ANKRD27: variants seen among roughly 807,000 people sequenced by gnomAD.
ANKRD27 encodes the protein ankyrin repeat domain-containing protein 27.
ANKRD27 carries 112 observed loss-of-function variants against 129.7 expected under a neutral mutation model. That is an observed-to-expected ratio of 0.86 (90% CI 0.74 to 1.01). ANKRD27 has a LOEUF of 1.01. Among genes scored for constraint, ANKRD27 ranks in the 50% least tolerant of loss-of-function variants. The pLI is 0.00. For missense variants in ANKRD27, 1,258 were observed against 1,300.5 expected (o/e 0.97, Z 0.50); for synonymous variants, 516 against 511.2 (o/e 1.01, Z -0.13).
At chr19:32,616,023 G>T (rs181752759) in intron 21 of ANKRD27, among the ~76,000 whole-genome samples, 84 of 152,208 alleles carry the variant, frequency 5.5e-4, no homozygotes, top group African/African-American at 2.0e-3. Context: ...TGCTGCCTCA[G>T]GGTGATGGCT....
At chr19:32,600,305 C>T (rs904035725) in intron 26 of ANKRD27, 25 of 317,878 alleles carry the variant, frequency 7.9e-5, no homozygotes, top group Admixed American at 6.9e-4. Flanking sequence ...TTTGGGAGGC[C>T]GAGGTGGGCA....
chr19:32,658,588 G>A (rs1484450695), intron 2 of ANKRD27, among the ~76,000 whole-genome samples: 1 of 152,194 alleles, frequency 6.6e-6, no homozygotes, highest in Non-Finnish European at 1.5e-5. Context: ...TTTTAGCCCT[G>A]GAGAAGCCTC....
chr19:32,611,335 T>G (rs888810296), intron 22 of ANKRD27, among the ~76,000 whole-genome samples: 3 of 152,158 alleles, frequency 2.0e-5, no homozygotes, highest in Non-Finnish European at 2.9e-5. Flanking sequence ...TCTTATCCTG[T>G]GTTTTCATAG....
intron 26 of ANKRD27, 109 bp from the exon 27 acceptor site, chr19:32,600,159 A>C (rs1971630581): frequency 2.4e-6 from 2 of 825,382 alleles, no homozygotes; most frequent in Non-Finnish European, 3.8e-6. Context: ...CAAAATTTAG[A>C]AACTGAAGCA....
chr19:32,643,278 A>T lies in ANKRD27; in HGVS notation c.705+9T>A, dbSNP rs1305089535. 1 of 1,614,090 alleles carries T rather than the reference A, an allele frequency of 6.2e-7. No homozygotes were observed. The highest frequency in any genetic ancestry group is 1.7e-5 in the Admixed American group (1 of 60,000). ...CTTCCATCTTGGGTGATAATAACTG[A>T]GAACCTACCTCACTTGCCTCCATGG... On this transcript the variant is annotated intron_variant, in intron 8 of 28. Transcript: ENST00000306065.
rs762909399 is a variant in ANKRD27 at position 32,643,142 on chromosome 19, C to T, written c.763G>A (p.Gly255Ser). The T allele has an allele frequency of 1.2e-6, 2 of 1,613,834 alleles. No individual in the cohort carries two copies. The highest frequency in any genetic ancestry group is 2.2e-5 in the South Asian group (2 of 91,048). Residue 255 changes from glycine to serine, a missense_variant, in exon 9 of 29, where the codon GGT becomes AGT. By Grantham distance (56) the Gly-to-Ser change is moderately conservative. Coordinates refer to ENST00000306065, the MANE Select transcript of ANKRD27 (RefSeq NM_032139.3). Reference protein sequence around the residue: ...SLQDLQQKDIGVKPEFSFNIP... With the variant: ...SLQDLQQKDISVKPEFSFNIP... ...CCTTACCTGAACTCCGGTTTCACACCAATATCTTTCTGCTGAAGATCTTGA... is the reference window on the plus strand; with the variant it reads ...CCTTACCTGAACTCCGGTTTCACACTAATATCTTTCTGCTGAAGATCTTGA...
chr19:32,663,201 C>G lies in ANKRD27; in HGVS notation c.-30-4156G>C, dbSNP rs139605420. On this transcript the variant is annotated intron_variant, in intron 1 of 28. Coordinates refer to ENST00000306065, the MANE Select transcript of ANKRD27 (RefSeq NM_032139.3). ...ATGAAGAAGCCCACATGATGAAAGG[C>G]CATGGGGGGAGAGCGAGGCCTAGGT... 6.5e-3 allele frequency among the ~76,000 whole-genome samples: 994 copies of G among 152,298 alleles called. 7 individuals carry two copies. Among genetic ancestry groups the G allele is most frequent in the African/African-American group, 0.021 (859 of 41,562 alleles).
chr19:32,605,547 C>T (rs1050816958), intron 24 of ANKRD27, among the ~76,000 whole-genome samples: 2 of 152,194 alleles, frequency 1.3e-5, no homozygotes, highest in African/African-American at 4.8e-5. Context: ...CCACTCAGCC[C>T]ATGCTCAGGT....
intron 1 of ANKRD27, among the ~76,000 whole-genome samples, chr19:32,671,977 C>G (rs761617557): frequency 1.3e-5 from 2 of 152,148 alleles, no homozygotes; most frequent in Non-Finnish European, 2.9e-5. Flanking sequence ...AGCGTGCACA[C>G]TCGTGGTTTT....
intron 1 of ANKRD27, among the ~76,000 whole-genome samples, chr19:32,670,476 C>A (rs1158760797): frequency 6.6e-6 from 1 of 151,062 alleles, no homozygotes; most frequent in Non-Finnish European, 1.5e-5. Flanking sequence ...GAGTTTGAGA[C>A]CAGCCTGGCC....
At position 32,627,675 on chromosome 19, in the gene ANKRD27, G is replaced by A. The variant is rs947044558; in HGVS notation, c.1420+408C>T. ...GGCCTCCCAAAGTGCTGGGATTACAGGCATGAGCCACCATGCCCAGCCAAA... is the reference window on the plus strand; with the variant it reads ...GGCCTCCCAAAGTGCTGGGATTACAAGCATGAGCCACCATGCCCAGCCAAA... On this transcript the variant is annotated intron_variant, in intron 15 of 28. Transcript: ENST00000306065. Among the ~76,000 whole-genome samples the A allele has an allele frequency of 2.0e-5, 3 of 152,252 alleles. No individual in the cohort carries two copies. The South Asian group carries it at 6.2e-4, about 32-fold the overall frequency.
At chr19:32,659,076 G>C in intron 1 of ANKRD27, 31 bp from the exon 2 acceptor site, 1 of 1,178,266 alleles carries the variant, frequency 8.5e-7, no homozygotes. Flanking sequence ...GCAGTGAATA[G>C]CCATTTTCGA....
At chr19:32,635,831 T>C (rs1390395198) in intron 12 of ANKRD27, among the ~76,000 whole-genome samples, 5 of 152,118 alleles carry the variant, frequency 3.3e-5, no homozygotes, top group Non-Finnish European at 5.9e-5. Flanking sequence ...GAGATCATGA[T>C]CTAAAATTTT....
At chr19:32,616,920 T>G (rs2145271175) in intron 21 of ANKRD27, among the ~76,000 whole-genome samples, 1 of 152,228 alleles carries the variant, frequency 6.6e-6, no homozygotes, top group East Asian at 1.9e-4. Flanking sequence ...TGCCCTCTCT[T>G]AAAACCAAGC....
intron 9 of ANKRD27, 69 bp from the exon 10 acceptor site, chr19:32,642,214 A>AACGACGAC: frequency 1.5e-6 from 2 of 1,368,540 alleles, no homozygotes; most frequent in Non-Finnish European, 1.9e-6. Flanking sequence ...GGATCTAAGA[A>AACGACGAC]CACATCTCAG....
chr19:32,668,954 C>G (rs1967813739), intron 1 of ANKRD27, among the ~76,000 whole-genome samples: 1 of 152,088 alleles, frequency 6.6e-6, no homozygotes, highest in Non-Finnish European at 1.5e-5. Context: ...CTGGCTGACT[C>G]AAGGATAAAT....
chr19:32,604,203 A>G (rs1056683382), intron 25 of ANKRD27, 60 bp downstream of exon 25: 1 of 1,532,288 alleles, frequency 6.5e-7, no homozygotes, highest in Non-Finnish European at 8.9e-7. Context: ...AAACAAAGGG[A>G]TCCAGAGGGA....
rs374483850 is a variant in ANKRD27, at chr19:32,644,523, G to A, written c.371-44C>T. ...GGTCAGGCCGGCTGAAGCCTCTGCT[G>A]GTTCCTGACTCTGTCCTATCCTACA... On this transcript the variant is annotated intron_variant, in intron 4 of 28. Transcript: ENST00000306065. The A allele has an allele frequency of 1.9e-6, 3 of 1,602,486 alleles. No homozygotes were observed. The East Asian group carries it at 6.7e-5, about 36-fold the overall frequency.
At chr19:32,619,678 T>A in intron 18 of ANKRD27, 125 bp from the exon 19 acceptor site, 1 of 1,189,574 alleles carries the variant, frequency 8.4e-7, no homozygotes, top group Non-Finnish European at 1.2e-6. Context: ...GAGCCTTAGG[T>A]CACGTGGCCC....
Sources: gnomAD v4.1 joint callset for allele counts (sites outside exome capture counted in the v4.1 genomes callset) on GRCh38, gnomAD v4.1.1 for gene constraint, MANE v1.5 for transcripts, NCBI Gene and HGNC (gene_info 2026-07-23, HGNC 2026-07-21) for gene names.